CNTNAP2: variants seen among roughly 807,000 people sequenced by gnomAD.
The protein encoded by CNTNAP2 is contactin-associated protein-like 2.
CNTNAP2 carries 98 observed loss-of-function variants against 155.2 expected under a neutral mutation model. That is an observed-to-expected ratio of 0.63 (90% CI 0.54 to 0.75). The LOEUF is 0.75. CNTNAP2 is among the 30% of genes least tolerant of loss of function. The probability of loss-of-function intolerance (pLI) is 0.00; values close to 1 mark genes in which losing one functional copy is unlikely to be tolerated. For missense variants in CNTNAP2, 1,727 were observed against 1,688.1 expected (o/e 1.02, Z -0.40); for synonymous variants, 651 against 631.2 (o/e 1.03, Z -0.47).
At chr7:147,556,952 A>C (rs79200236) in intron 11 of CNTNAP2, among the ~76,000 whole-genome samples, 1 of 152,188 alleles carries the variant, frequency 6.6e-6, no homozygotes, top group African/African-American at 2.4e-5. Context: ...ATGAAAATGA[A>C]TAAGACATTT....
intron 1 of CNTNAP2, among the ~76,000 whole-genome samples, chr7:146,663,277 C>CAAAAAAAA (rs543257224): frequency 1.2e-4 from 4 of 33,128 alleles, no homozygotes; most frequent in Non-Finnish European, 1.6e-4. Context: ...AACTCCATCT[C>CAAAAAAAA]AAAAAAAAAA....
intron 10 of CNTNAP2, among the ~76,000 whole-genome samples, chr7:147,442,310 C>T (rs905835276): frequency 7.2e-5 from 11 of 152,194 alleles, no homozygotes; most frequent in African/African-American, 2.7e-4. Context: ...TCAGTGAATA[C>T]TTCCAGCCTA....
chr7:148,286,034 G>A (rs1797076094), intron 21 of CNTNAP2, among the ~76,000 whole-genome samples: 1 of 152,124 alleles, frequency 6.6e-6, no homozygotes, highest in African/African-American at 2.4e-5. Context: ...GAAAATCATA[G>A]GAAAGATAAA....
intron 20 of CNTNAP2, among the ~76,000 whole-genome samples, chr7:148,231,690 A>G (rs1795964649): frequency 3.3e-5 from 5 of 152,148 alleles, no homozygotes; most frequent in Admixed American, 2.6e-4. Context: ...TGTTACCGGA[A>G]GAAGGGGTCC....
At position 148,118,827 on chromosome 7, in the gene CNTNAP2, T is replaced by C. The variant is rs189855617; in HGVS notation, c.2554+539T>C. ...CCACCCTCTGCAAGTGAGTTCTGGA[T>C]GTCATGTACTTAGCCAAAGATACAG... is the stretch of plus-strand genomic sequence containing the variant. On this transcript the variant is annotated intron_variant, in intron 16 of 23. Coordinates refer to ENST00000361727, the MANE Select transcript of CNTNAP2 (RefSeq NM_014141.6). Among the ~76,000 whole-genome samples the C allele has an allele frequency of 3.3e-5, 5 of 152,236 alleles. No individual in the cohort carries two copies. The East Asian group carries it at 9.7e-4, about 29-fold the overall frequency.
At chr7:147,203,533 C>T (rs547641711) in intron 8 of CNTNAP2, among the ~76,000 whole-genome samples, 2 of 152,210 alleles carry the variant, frequency 1.3e-5, no homozygotes, top group Admixed American at 6.5e-5. Flanking sequence ...CGCCCAGGCT[C>T]TTAATTTTAA....
chr7:147,925,251 C>G (rs1035044759), intron 14 of CNTNAP2, among the ~76,000 whole-genome samples: 12 of 150,872 alleles, frequency 8.0e-5, no homozygotes, highest in African/African-American at 2.4e-4. Flanking sequence ...ACCCCCTACC[C>G]CCTACACATA....
chr7:147,537,831 A>G (rs1799573333), intron 11 of CNTNAP2, among the ~76,000 whole-genome samples: 1 of 152,222 alleles, frequency 6.6e-6, no homozygotes. Context: ...AAATGGATCT[A>G]TGTAAAATGT....
At chr7:147,063,397 T>G (rs1460559155) in intron 4 of CNTNAP2, among the ~76,000 whole-genome samples, 1 of 152,132 alleles carries the variant, frequency 6.6e-6, no homozygotes, top group African/African-American at 2.4e-5. Context: ...CAATTTACAC[T>G]AGAGGATAAT....
chr7:147,018,692 A>G (rs1308863386), intron 3 of CNTNAP2, among the ~76,000 whole-genome samples: 2 of 152,072 alleles, frequency 1.3e-5, no homozygotes, highest in African/African-American at 4.8e-5. Context: ...AACAATTTGA[A>G]AAACTGGCTG....
At chr7:146,449,470 T>C (rs1436000265) in intron 1 of CNTNAP2, among the ~76,000 whole-genome samples, 2 of 152,162 alleles carry the variant, frequency 1.3e-5, no homozygotes. Flanking sequence ...CAGGTCCCTA[T>C]GTCCCCAATG....
intron 15 of CNTNAP2, among the ~76,000 whole-genome samples, chr7:148,027,266 T>C (rs28522281): frequency 0.083 from 12,567 of 152,262 alleles, 1,253 homozygotes; most frequent in African/African-American, 0.24. Context: ...TTTCTTCACA[T>C]TAAAGTGTAT....
intron 3 of CNTNAP2, among the ~76,000 whole-genome samples, chr7:146,996,923 T>A (rs1798320439): frequency 2.0e-5 from 3 of 152,064 alleles, no homozygotes; most frequent in Admixed American, 2.0e-4. Flanking sequence ...AGTCTCACAA[T>A]ATCTGACAGT....
chr7:146,545,260 A>T (rs954572900), intron 1 of CNTNAP2, among the ~76,000 whole-genome samples: 5 of 151,948 alleles, frequency 3.3e-5, no homozygotes, highest in African/African-American at 9.7e-5. Context: ...GAAGTGTAGG[A>T]TGACAGAATT....
Position 148,161,581 on chromosome 7 carries a change from C to T in CNTNAP2, c.2774-10661C>T, listed in dbSNP as rs80222217. Among the ~76,000 whole-genome samples the T allele has an allele frequency of 7.9e-3, 1,197 of 152,162 alleles. 14 individuals are homozygous for T. Among genetic ancestry groups the T allele is most frequent in the African/African-American group, 0.027 (1,116 of 41,498 alleles). ...CACACAACTTCAGAGTACCTCACTC[C>T]CACCTAGACAGGGGACAGCCATCTT... On this transcript the variant is annotated intron_variant, in intron 17 of 23. Coordinates refer to ENST00000361727, the MANE Select transcript of CNTNAP2 (RefSeq NM_014141.6).
chr7:148,072,150 C>A lies in CNTNAP2; in HGVS notation c.2384-45968C>A, dbSNP rs371289119. 8.1e-4 allele frequency among the ~76,000 whole-genome samples: 124 copies of A among 152,238 alleles called. 1 individual carries two copies. Among genetic ancestry groups the A allele is most frequent in the South Asian group, 7.0e-3 (34 of 4,830 alleles). ...TTAGGATTTCTTCATATCCTCCCTCCTACCTTTACCCCTGAGTTCAGAAAA... is the reference window on the plus strand; with the variant it reads ...TTAGGATTTCTTCATATCCTCCCTCATACCTTTACCCCTGAGTTCAGAAAA... On this transcript the variant is annotated intron_variant, in intron 15 of 23. Transcript: ENST00000361727.
chr7:147,657,669 G>T (rs1049808233), intron 13 of CNTNAP2, among the ~76,000 whole-genome samples: 5 of 152,060 alleles, frequency 3.3e-5, no homozygotes, highest in Non-Finnish European at 5.9e-5. Context: ...TATAATTGGG[G>T]TTATATATGT....
intron 13 of CNTNAP2, among the ~76,000 whole-genome samples, chr7:147,755,883 A>C (rs886784955): frequency 5.3e-5 from 8 of 152,164 alleles, no homozygotes; most frequent in African/African-American, 1.4e-4. Flanking sequence ...TCCTGGTTAG[A>C]GTGGCTTATA....
intron 1 of CNTNAP2, among the ~76,000 whole-genome samples, chr7:146,130,551 C>T (rs1797699516): frequency 6.6e-6 from 1 of 152,074 alleles, no homozygotes; most frequent in African/African-American, 2.4e-5. Context: ...GAGAATTTTG[C>T]TAATAAAAAT....
Sources: gnomAD v4.1 joint callset for allele counts (sites outside exome capture counted in the v4.1 genomes callset) on GRCh38, gnomAD v4.1.1 for gene constraint, MANE v1.5 for transcripts, NCBI Gene and HGNC (gene_info 2026-07-23, HGNC 2026-07-21) for gene names.